The following MTCH2 variants were observed in gnomAD, a reference collection of about 807,000 sequenced individuals.
The protein encoded by MTCH2 is mitochondrial carrier 2.
Under a neutral mutation model 50.6 loss-of-function variants are expected in MTCH2, and 25 were observed. That is an observed-to-expected ratio of 0.49 (90% confidence interval 0.36 to 0.69). MTCH2 has a LOEUF of 0.69. MTCH2 is among the 30% of genes least tolerant of loss of function. The probability of loss-of-function intolerance (pLI) is 0.00; values close to 1 mark genes in which losing one functional copy is unlikely to be tolerated. For missense variants in MTCH2, 273 were observed against 384.4 expected (o/e 0.71, Z 2.42); for synonymous variants, 106 against 132.0 (o/e 0.80, Z 1.35).
chr11:47,610,172 A>C, the MTCH2 span, among the ~76,000 whole-genome samples: 1 of 152,158 alleles, frequency 6.6e-6, no homozygotes, highest in African/African-American at 2.4e-5. Context: ...TGGAGTCTCT[A>C]CCATGTGCCA....
intron 3 of MTCH2, 132 bp downstream of exon 3, chr11:47,638,560 AAAAAAAG>A (rs2097310969): frequency 1.5e-6 from 1 of 648,482 alleles, no homozygotes; most frequent in African/African-American, 2.1e-5. Context: ...AAAAAAAAAA[AAAAAAAG>A]AAAGTGTTTT....
chr11:47,629,049 A>G lies in MTCH2; in HGVS notation c.540-3T>C. The G allele has an allele frequency of 1.2e-6, 2 of 1,610,230 alleles. No homozygotes were observed. The highest frequency in any genetic ancestry group is 1.7e-6 in the Non-Finnish European group (2 of 1,177,628). ...CTAGAAGGCGAGGAACAAGACCCCT[A>G]CATGAAGAAACAATAAAAATAAGAA... On this transcript the variant is annotated splice_polypyrimidine_tract_variant and splice_region_variant and intron_variant, in intron 8 of 12. Transcript: ENST00000302503.
At chr11:47,614,932 A>G (rs963465412), downstream of MTCH2, among the ~76,000 whole-genome samples, 4 of 151,258 alleles carry the variant, frequency 2.6e-5, no homozygotes, top group African/African-American at 9.7e-5. Flanking sequence ...AGGGAGAAGG[A>G]AAAAAAAATC....
chr11:47,641,132 G>A (rs2097313793), intron 1 of MTCH2, among the ~76,000 whole-genome samples: 1 of 152,104 alleles, frequency 6.6e-6, no homozygotes, highest in African/African-American at 2.4e-5. Context: ...TCGACCTCGT[G>A]ATCCGCTCAC....
At chr11:47,632,707 CT>C (rs557119761) in intron 5 of MTCH2, among the ~76,000 whole-genome samples, 13 of 147,448 alleles carry the variant, frequency 8.8e-5, no homozygotes, top group Non-Finnish European at 1.8e-4. Context: ...TTTTTCTTTT[CT>C]TTTTTTTTGA....
At chr11:47,611,601 G>A in the MTCH2 span, among the ~76,000 whole-genome samples, 5 of 152,224 alleles carry the variant, frequency 3.3e-5, no homozygotes, top group East Asian at 3.8e-4. Context: ...TTTCGTCCAC[G>A]TGTCATCTTG....
intron 5 of MTCH2, among the ~76,000 whole-genome samples, chr11:47,634,174 TAA>T (rs2097306334): frequency 6.6e-6 from 1 of 152,108 alleles, no homozygotes; most frequent in African/African-American, 2.4e-5. Context: ...TTCCTGGGCT[TAA>T]GTCATCTTCT....
At chr11:47,610,811 G>C in the MTCH2 span, among the ~76,000 whole-genome samples, 1 of 152,128 alleles carries the variant, frequency 6.6e-6, no homozygotes, top group East Asian at 1.9e-4. Context: ...GTGACAGCTA[G>C]AAATTGCTGC....
chr11:47,634,869 T>A (rs1598851023), intron 4 of MTCH2, 135 bp from the exon 5 acceptor site: 1 of 523,262 alleles, frequency 1.9e-6, no homozygotes, highest in African/African-American at 2.0e-5. Context: ...ACCGCCTGGG[T>A]ACAAGTGCTT....
the MTCH2 span, among the ~76,000 whole-genome samples, chr11:47,606,250 T>C: frequency 6.6e-6 from 1 of 152,222 alleles, no homozygotes; most frequent in Admixed American, 6.5e-5. Context: ...CTGGAAGTGC[T>C]TTTCCTCGGG....
In MTCH2 at chr11:47,631,059, G is replaced by A. The variant is rs753828962; in HGVS notation, c.456C>T (p.Phe152=). The part of the protein sequence containing the change: ...HVITLRSMVQ[F]IGRESKYCGL... ...ACCAGTACTTGGATTCTCTGCCAAT[G>A]AACTGTACCATAGATCTCAGAGTGA... Residue 152 remains phenylalanine (F), a synonymous_variant, in exon 7 of 13, where the codon TTC becomes TTT. Transcript: ENST00000302503. 2.5e-6 allele frequency: 4 copies of A among 1,613,036 alleles called. No individual in the cohort carries two copies. The East Asian group carries it at 8.9e-5, about 36-fold the overall frequency.
downstream of MTCH2, among the ~76,000 whole-genome samples, chr11:47,613,728 T>C (rs1468814219): frequency 8.8e-4 from 2 of 2,280 alleles, no homozygotes; most frequent in African/African-American, 9.8e-4. Context: ...TTCTACTCTG[T>C]TGGGAGCTTG....
chr11:47,640,878 G>A (rs1486721449), intron 1 of MTCH2, among the ~76,000 whole-genome samples: 2 of 151,294 alleles, frequency 1.3e-5, no homozygotes, highest in South Asian at 2.1e-4. Flanking sequence ...GAGAAGTATT[G>A]AGTAGTGGGT....
chr11:47,605,767 T>A, the MTCH2 span, among the ~76,000 whole-genome samples: 1 of 152,144 alleles, frequency 6.6e-6, no homozygotes, highest in Non-Finnish European at 1.5e-5. Flanking sequence ...CGTGAGACAA[T>A]CAATGTCTAA....
At chr11:47,629,828 T>G (rs2097301391) in intron 8 of MTCH2, among the ~76,000 whole-genome samples, 1 of 151,920 alleles carries the variant, frequency 6.6e-6, no homozygotes, top group South Asian at 2.1e-4. Context: ...GGTAGTAGTC[T>G]AAGTTCTTCC....
At chr11:47,628,893 G>A in intron 9 of MTCH2, 60 bp downstream of exon 9, 3 of 1,469,626 alleles carry the variant, frequency 2.0e-6, no homozygotes, top group Non-Finnish European at 2.8e-6. Flanking sequence ...TACTTTAAAA[G>A]CTAATCTAGC....
chr11:47,638,785 C>G lies in MTCH2; in HGVS notation c.193G>C (p.Asp65His). The stretch of plus-strand genomic sequence containing the variant: ...CCTGTGAACAACCCGCGCCTCCCAT[C>G]GATACTGGCAATGTGCTGAGCTAAG... ...FSYAQHIASI[D>H]GRRGLFTGLT... The change falls in exon 3 of 13, where the codon GAT becomes CAT. Residue 65 changes from aspartate to histidine, a missense_variant. Transcript: ENST00000302503. 6.2e-7 allele frequency: 1 copy of G among 1,614,048 alleles called. No homozygotes were observed. The highest frequency in any genetic ancestry group is 8.5e-7 in the Non-Finnish European group (1 of 1,179,988).
the MTCH2 span, among the ~76,000 whole-genome samples, chr11:47,609,275 C>CA: frequency 6.6e-6 from 1 of 150,776 alleles, no homozygotes; most frequent in Non-Finnish European, 1.5e-5. Flanking sequence ...GGCAACATGG[C>CA]AAAACCCCGT....
chr11:47,621,310 T>C (rs1408668360), intron 12 of MTCH2, among the ~76,000 whole-genome samples: 1 of 152,220 alleles, frequency 6.6e-6, no homozygotes, highest in Non-Finnish European at 1.5e-5. Flanking sequence ...AGCTTCTTTA[T>C]ACGCTTTCTT....
Sources: allele counts gnomAD v4.1 joint callset (sites outside exome capture counted in the v4.1 genomes callset), GRCh38; gene constraint gnomAD v4.1.1; transcripts MANE v1.5; gene names NCBI Gene and HGNC (gene_info 2026-07-23, HGNC 2026-07-21).